The following GPHN variants were observed in gnomAD, a reference collection of about 807,000 sequenced individuals.
GPHN encodes the protein gephyrin.
GPHN carries 17 observed loss-of-function variants against 95.5 expected under a neutral mutation model. That is an observed-to-expected ratio of 0.18 (90% confidence interval 0.12 to 0.27). The LOEUF is 0.27. Among genes scored for constraint, GPHN ranks in the 10% least tolerant of loss-of-function variants. The pLI is 1.00. For missense variants in GPHN, 660 were observed against 978.1 expected (o/e 0.67, Z 4.34); for synonymous variants, 320 against 322.5 (o/e 0.99, Z 0.08).
intron 4 of GPHN, among the ~76,000 whole-genome samples, chr14:66,866,921 A>G (rs569381167): frequency 6.6e-6 from 1 of 152,176 alleles, no homozygotes; most frequent in Non-Finnish European, 1.5e-5. Flanking sequence ...TGCAAAGTAT[A>G]TGTTCATTGA....
chr14:67,335,127 A>C, the GPHN span: 1 of 152,154 alleles, frequency 6.6e-6, no homozygotes, highest in African/African-American at 2.4e-5. Flanking sequence ...TGAGATGATA[A>C]ATATTTCAAG....
chr14:67,577,217 C>T, the GPHN span: 140 of 854,580 alleles, frequency 1.6e-4, no homozygotes, highest in East Asian at 3.2e-3. Context: ...CTATCTTCCC[C>T]ATAAATTAAA....
chr14:67,124,451 A>AG (rs778525268), intron 17 of GPHN, among the ~76,000 whole-genome samples: 1 of 152,166 alleles, frequency 6.6e-6, no homozygotes, highest in Non-Finnish European at 1.5e-5. Flanking sequence ...CAGGAAGGAA[A>AG]GGGGGGAAAA....
chr14:66,711,398 C>A (rs2069606479), intron 2 of GPHN, among the ~76,000 whole-genome samples: 1 of 152,008 alleles, frequency 6.6e-6, no homozygotes, highest in Admixed American at 6.6e-5. Flanking sequence ...GAGTAGTATT[C>A]CTTTGTATAT....
intron 1 of GPHN, among the ~76,000 whole-genome samples, chr14:66,516,625 A>G (rs2058257729): frequency 6.6e-6 from 1 of 152,246 alleles, no homozygotes; most frequent in African/African-American, 2.4e-5. Context: ...TCACGATTTC[A>G]GGATCATGGC....
At chr14:67,489,808 G>C in the GPHN span, among the ~76,000 whole-genome samples, 2 of 152,156 alleles carry the variant, frequency 1.3e-5, no homozygotes, top group African/African-American at 2.4e-5. Context: ...GGCTAACATG[G>C]TGAAACCCCA....
At chr14:66,954,855 A>C (rs895167909) in intron 8 of GPHN, among the ~76,000 whole-genome samples, 5 of 152,198 alleles carry the variant, frequency 3.3e-5, no homozygotes, top group African/African-American at 1.2e-4. Flanking sequence ...TTCTACATTA[A>C]CGGAGATGAT....
chr14:67,731,207 C>CTCTTT, the GPHN span, among the ~76,000 whole-genome samples: 1 of 90,622 alleles, frequency 1.1e-5, no homozygotes, highest in Non-Finnish European at 2.0e-5. Context: ...TTCTTTCTTT[C>CTCTTT]TTTTTTTTTT....
At chr14:67,222,098 C>T in the GPHN span, 1 of 336,592 alleles carries the variant, frequency 3.0e-6, no homozygotes, top group African/African-American at 2.1e-5. Context: ...AATCATCAAG[C>T]ATAAACCACG....
At chr14:67,452,574 G>A in the GPHN span, among the ~76,000 whole-genome samples, 1 of 152,144 alleles carries the variant, frequency 6.6e-6, no homozygotes. Flanking sequence ...TAACTTACTG[G>A]CAGGACTAGG....
At chr14:67,664,181 T>C in the GPHN span, among the ~76,000 whole-genome samples, 1 of 152,184 alleles carries the variant, frequency 6.6e-6, no homozygotes, top group East Asian at 1.9e-4. Flanking sequence ...TTTGTGAGGG[T>C]ATAGCTTAGT....
chr14:67,325,187 G>A, the GPHN span, among the ~76,000 whole-genome samples: 1 of 152,056 alleles, frequency 6.6e-6, no homozygotes, highest in East Asian at 1.9e-4. Context: ...TTACAGGCGT[G>A]AGCCACCAGG....
intron 1 of GPHN, among the ~76,000 whole-genome samples, chr14:66,568,192 T>A (rs774790132): frequency 6.6e-6 from 1 of 152,224 alleles, no homozygotes; most frequent in Non-Finnish European, 1.5e-5. Flanking sequence ...AGAAAATTTG[T>A]AGAATGTTAA....
chr14:67,727,865 G>C, the GPHN span: 1 of 153,376 alleles, frequency 6.5e-6, no homozygotes, highest in Non-Finnish European at 1.4e-5. Context: ...TTTAAACCTA[G>C]GGTGCTTCCT....
At chr14:66,862,163 A>G (rs1413374466) in intron 4 of GPHN, among the ~76,000 whole-genome samples, 1 of 152,112 alleles carries the variant, frequency 6.6e-6, no homozygotes, top group African/African-American at 2.4e-5. Flanking sequence ...AGTCATTACA[A>G]TTGATACTGC....
intron 1 of GPHN, among the ~76,000 whole-genome samples, chr14:66,575,079 G>A (rs2060850320): frequency 6.6e-6 from 1 of 152,080 alleles, no homozygotes. Flanking sequence ...TATTGATTCT[G>A]TCTCTGTAGA....
the GPHN span, chr14:67,359,800 G>A: frequency 7.2e-7 from 1 of 1,379,690 alleles, no homozygotes; most frequent in African/African-American, 1.4e-5. Context: ...GAGTCAGCTG[G>A]TTGTGTCACT....
Position 67,148,277 on chromosome 14 carries a change from G to A in GPHN, c.1836+4828G>A, listed in dbSNP as rs552892630. Reference sequence around the variant, plus strand: ...AAAAAGAATAACCTTTCTTATTGTAGGACAGGCGTTAATCAGTACCAAAGA... The same window carrying A: ...AAAAAGAATAACCTTTCTTATTGTAAGACAGGCGTTAATCAGTACCAAAGA... On this transcript the variant is annotated intron_variant, in intron 18 of 22. Transcript: ENST00000478722. 2.0e-5 allele frequency among the ~76,000 whole-genome samples: 3 copies of A among 152,184 alleles called. No individual in the cohort carries two copies. In the South Asian group the frequency reaches 6.2e-4, roughly 32 times the overall value.
At chr14:66,869,448 T>C (rs1001457304) in intron 4 of GPHN, among the ~76,000 whole-genome samples, 1 of 152,226 alleles carries the variant, frequency 6.6e-6, no homozygotes, top group Admixed American at 6.5e-5. Context: ...AGTTTACAGG[T>C]CTTTGTACTC....
Sources: allele counts gnomAD v4.1 joint callset (sites outside exome capture counted in the v4.1 genomes callset), GRCh38; gene constraint gnomAD v4.1.1; transcripts MANE v1.5; gene names NCBI Gene and HGNC (gene_info 2026-07-23, HGNC 2026-07-21).